PPP1R8: variants seen among roughly 807,000 people sequenced by gnomAD.
PPP1R8 encodes the protein nuclear inhibitor of protein phosphatase 1.
Under a neutral mutation model 31.3 loss-of-function variants are expected in PPP1R8, and 4 were observed. The observed-to-expected ratio is 0.13, with a 90% CI of 0.06 to 0.29. The LOEUF is 0.29. Among genes scored for constraint, PPP1R8 ranks in the 10% least tolerant of loss-of-function variants. PPP1R8 has a pLI of 1.00. For missense variants in PPP1R8, 254 were observed against 440.1 expected, an observed-to-expected ratio of 0.58 and a Z score of 3.78; for synonymous variants, 170 against 169.7, an observed-to-expected ratio of 1.00 and a Z score of -0.01.
chr1:27,850,653 GA>G lies in PPP1R8; in HGVS notation c.*210del. 4 of 544,852 alleles carry G rather than the reference GA, an allele frequency of 7.3e-6. No individual in the cohort carries two copies. The highest frequency in any genetic ancestry group is 1.3e-5 in the Non-Finnish European group (4 of 309,254). The allele number at this position is 544,852 out of a possible 1,614,324, so 33.8% of individuals were successfully genotyped here. A position where few individuals can be genotyped will look rare whatever the true frequency, so the allele number is the denominator to read the frequency against. ...GTCTTCACAACACTTGCATTGTAGA[GA>G]AAGGCTTCTTATATCCTTTTCAATA... On this transcript the variant is annotated 3_prime_UTR_variant, in exon 7 of 7. Transcript: ENST00000311772.
At chr1:27,847,422 G>A (rs11584637) in intron 6 of PPP1R8, among the ~76,000 whole-genome samples, 112 of 151,666 alleles carry the variant, frequency 7.4e-4, no homozygotes, top group Non-Finnish European at 1.0e-3. Flanking sequence ...CAGGAGAATC[G>A]CTTGAACCTG....
At chr1:27,831,116 C>T (rs1314544454) in intron 1 of PPP1R8, 3 of 1,345,224 alleles carry the variant, frequency 2.2e-6, no homozygotes, top group Non-Finnish European at 2.9e-6. Flanking sequence ...GGCTCAAAGG[C>T]GCTCACTTAG....
At chr1:27,841,345 T>G (rs2089220873) in intron 4 of PPP1R8, 111 bp downstream of exon 4, 4 of 1,148,302 alleles carry the variant, frequency 3.5e-6, no homozygotes, top group Non-Finnish European at 5.0e-6. Context: ...GGGGTTCTCT[T>G]GAGTCCAGTA....
intron 1 of PPP1R8, chr1:27,831,266 G>A: frequency 9.9e-7 from 1 of 1,011,176 alleles, no homozygotes; most frequent in Non-Finnish European, 1.2e-6. Context: ...GAGCGCGCTC[G>A]AGCCAGCCCC....
chr1:27,841,564 G>A (rs1175688254), intron 4 of PPP1R8, among the ~76,000 whole-genome samples: 1 of 152,228 alleles, frequency 6.6e-6, no homozygotes, highest in East Asian at 1.9e-4. Context: ...AGCTAATGCT[G>A]TCCAATATGG....
intron 6 of PPP1R8, among the ~76,000 whole-genome samples, chr1:27,849,449 T>C (rs1557433271): frequency 6.6e-6 from 1 of 151,610 alleles, no homozygotes; most frequent in Non-Finnish European, 1.5e-5. Flanking sequence ...GGGTAAAATA[T>C]CTATTGCCAT....
At chr1:27,848,776 CT>C (rs1431762944) in intron 6 of PPP1R8, among the ~76,000 whole-genome samples, 1 of 152,006 alleles carries the variant, frequency 6.6e-6, no homozygotes, top group Non-Finnish European at 1.5e-5. Context: ...GCCCCTTGAG[CT>C]TTTTTGTTTG....
At position 27,844,703 on chromosome 1, in the gene PPP1R8, C is replaced by CTTTT. The variant is rs777070302; in HGVS notation, c.637+1394_637+1397dup. ...GGGAACCACTGGACTAGACAAATTT[C>CTTTT]TTTTTTTTTTTTTTTTTTTTTTTTG... On this transcript the variant is annotated intron_variant, in intron 5 of 6. Coordinates refer to ENST00000311772, the MANE Select transcript of PPP1R8 (RefSeq NM_014110.5). Among the ~76,000 whole-genome samples the CTTTT allele has an allele frequency of 2.2e-3, 154 of 70,446 alleles. 2 individuals carry two copies. The highest frequency in any genetic ancestry group is 4.7e-3 in the African/African-American group (69 of 14,634). 46.2% of individuals were successfully genotyped at this position (70,446 alleles called of 152,430 possible).
rs547177889 is a variant in PPP1R8, at chr1:27,848,694, G to A, written c.703-1399G>A. 2.0e-5 allele frequency among the ~76,000 whole-genome samples: 3 copies of A among 152,310 alleles called. No individual in the cohort carries two copies. In the East Asian group the frequency reaches 5.8e-4, roughly 29 times the overall value. On this transcript the variant is annotated intron_variant, in intron 6 of 6. Coordinates refer to ENST00000311772, the MANE Select transcript of PPP1R8 (RefSeq NM_014110.5). ...TTTGTTTAATCCAAAAGGAGTATAG[G>A]ATTGAGCAGGATGTTTCATGAGCTT...
At chr1:27,842,342 CA>C (rs567804256) in intron 4 of PPP1R8, among the ~76,000 whole-genome samples, 3,193 of 63,204 alleles carry the variant, frequency 0.051, 89 homozygotes, top group African/African-American at 0.15. Context: ...AACTCCGTCT[CA>C]AAAAAAAAAA....
intron 4 of PPP1R8, among the ~76,000 whole-genome samples, chr1:27,842,110 G>A (rs956017797): frequency 6.6e-6 from 1 of 152,220 alleles, no homozygotes; most frequent in African/African-American, 2.4e-5. Flanking sequence ...GGAGGCCGAG[G>A]TGGGCGGATC....
intron 2 of PPP1R8, among the ~76,000 whole-genome samples, chr1:27,836,038 T>C (rs964612391): frequency 1.3e-5 from 2 of 152,192 alleles, no homozygotes; most frequent in Admixed American, 6.5e-5. Context: ...TAGCAGCCCA[T>C]TGTGAGTTAA....
chr1:27,849,519 C>G (rs2089319469), intron 6 of PPP1R8, among the ~76,000 whole-genome samples: 3 of 151,874 alleles, frequency 2.0e-5, no homozygotes, highest in African/African-American at 7.3e-5. Flanking sequence ...ATTTTTGAGA[C>G]AGAGTCTTAC....
chr1:27,842,357 AAAAG>A (rs1182213870), intron 4 of PPP1R8, among the ~76,000 whole-genome samples: 4 of 151,926 alleles, frequency 2.6e-5, no homozygotes, highest in Non-Finnish European at 2.9e-5. Context: ...AAAAAAAAAA[AAAAG>A]AGAAATTTTA....
chr1:27,847,114 A>C, intron 6 of PPP1R8, 22 bp downstream of exon 6: 4 of 1,610,168 alleles, frequency 2.5e-6, no homozygotes, highest in East Asian at 2.2e-5. Context: ...ATGAAATGCC[A>C]TACAGTCTGT....
chr1:27,844,947 A>C (rs1207945943), intron 5 of PPP1R8, among the ~76,000 whole-genome samples: 1 of 106,218 alleles, frequency 9.4e-6, no homozygotes, highest in Non-Finnish European at 1.8e-5. Flanking sequence ...GTTAGGCAGG[A>C]TGGTCTCGAT....
rs115568197 is a variant in PPP1R8, at chr1:27,849,888, T to C, written c.703-205T>C. Among the ~76,000 whole-genome samples, 233 of 152,306 alleles carry C rather than the reference T, an allele frequency of 1.5e-3. 1 individual carries two copies. Among genetic ancestry groups the C allele is most frequent in the Non-Finnish European group, 3.1e-3 (210 of 68,014 alleles). On this transcript the variant is annotated intron_variant, in intron 6 of 6. Coordinates refer to ENST00000311772, the MANE Select transcript of PPP1R8 (RefSeq NM_014110.5). ...GTTATGGAGCAGTGTTTGGGAACCATCGTAGATGACTGGAAAGGTCTCTTC... is the reference window on the plus strand; with the variant it reads ...GTTATGGAGCAGTGTTTGGGAACCACCGTAGATGACTGGAAAGGTCTCTTC...
intron 2 of PPP1R8, among the ~76,000 whole-genome samples, chr1:27,838,336 T>C (rs562030470): frequency 7.7e-4 from 117 of 152,116 alleles, no homozygotes; most frequent in Non-Finnish European, 1.4e-3. Flanking sequence ...GCCAAGATCA[T>C]GCAACTGTAC....
At chr1:27,847,611 GTC>G (rs1436017314) in intron 6 of PPP1R8, among the ~76,000 whole-genome samples, 2 of 151,850 alleles carry the variant, frequency 1.3e-5, no homozygotes, top group East Asian at 3.9e-4. Context: ...CATTCCTGTA[GTC>G]TCAGCTAACT....
Sources: gnomAD v4.1 joint callset for allele counts (sites outside exome capture counted in the v4.1 genomes callset) on GRCh38, gnomAD v4.1.1 for gene constraint, MANE v1.5 for transcripts, NCBI Gene and HGNC (gene_info 2026-07-23, HGNC 2026-07-21) for gene names.